CCDC102B: variants seen among roughly 807,000 people sequenced by gnomAD.
CCDC102B encodes the protein coiled-coil domain containing 102B.
In CCDC102B, 75 loss-of-function variants were observed where a neutral mutation model predicts 57.4. The ratio of observed to expected loss-of-function variants is 1.31; its 90% CI spans 1.08 to 1.58. The LOEUF (loss-of-function observed/expected upper bound fraction) is 1.58. Among genes scored for constraint, CCDC102B ranks in the 40% most tolerant of loss-of-function variants. CCDC102B has a pLI of 0.00. For missense variants in CCDC102B, 636 were observed against 582.6 expected (o/e 1.09, Z -0.94); for synonymous variants, 206 against 201.9 (o/e 1.02, Z -0.17).
At chr18:68,787,869 A>G (rs1454164810) in intron 2 of CCDC102B, among the ~76,000 whole-genome samples, 2 of 151,710 alleles carry the variant, frequency 1.3e-5, no homozygotes, top group Non-Finnish European at 2.9e-5. Context: ...GCCTTCTGCT[A>G]GCTTTTGAAT....
At chr18:68,982,808 G>A (rs1191711267) in intron 6 of CCDC102B, among the ~76,000 whole-genome samples, 1 of 151,398 alleles carries the variant, frequency 6.6e-6, no homozygotes, top group Non-Finnish European at 1.5e-5. Context: ...TCATAGTAGT[G>A]GCCAATAAAA....
chr18:69,005,641 C>T lies in CCDC102B; in HGVS notation c.1264-5293C>T, dbSNP rs949774024. Among the ~76,000 whole-genome samples the T allele has an allele frequency of 2.0e-5, 3 of 151,720 alleles. No homozygotes were observed. The South Asian group carries it at 6.2e-4, about 32-fold the overall frequency. ...ACTCAATCTTCAGTAGTTGATGTATCATATTACAATTAATTCTAGATAGAG... is the reference window on the plus strand; with the variant it reads ...ACTCAATCTTCAGTAGTTGATGTATTATATTACAATTAATTCTAGATAGAG... On this transcript the variant is annotated intron_variant, in intron 6 of 7. Transcript: ENST00000360242.
At chr18:69,011,126 C>G (rs746056122) in intron 7 of CCDC102B, 22 bp downstream of exon 7, 1 of 1,596,148 alleles carries the variant, frequency 6.3e-7, no homozygotes. Context: ...TGAGTGAACA[C>G]GTGCTGGACA....
intron 6 of CCDC102B, among the ~76,000 whole-genome samples, chr18:68,905,957 C>G (rs1442594571): frequency 6.6e-6 from 1 of 151,944 alleles, no homozygotes; most frequent in Non-Finnish European, 1.5e-5. Context: ...CCACGCCCGG[C>G]TAATTTTTTG....
chr18:68,765,372 A>AGAAAGAAAGAAG (rs2034426711), intron 2 of CCDC102B, among the ~76,000 whole-genome samples: 1 of 147,866 alleles, frequency 6.8e-6, no homozygotes, highest in Non-Finnish European at 1.5e-5. Flanking sequence ...AAAGAAAGAA[A>AGAAAGAAAGAAG]GAAAGAAAAG....
At chr18:68,880,740 G>A (rs1252534043) in intron 5 of CCDC102B, among the ~76,000 whole-genome samples, 1 of 152,146 alleles carries the variant, frequency 6.6e-6, no homozygotes, top group East Asian at 1.9e-4. Context: ...TTTAAGCAGT[G>A]GAAAATGTTG....
chr18:68,748,205 G>GGTATGTATGTGT (rs530957083), intron 2 of CCDC102B, among the ~76,000 whole-genome samples: 1 of 137,504 alleles, frequency 7.3e-6, no homozygotes, highest in Admixed American at 7.4e-5. Flanking sequence ...TTATTAAACT[G>GGTATGTATGTGT]GTGTGTGTGT....
chr18:68,863,305 A>G (rs536651371), intron 4 of CCDC102B, among the ~76,000 whole-genome samples: 1 of 151,762 alleles, frequency 6.6e-6, no homozygotes, highest in Non-Finnish European at 1.5e-5. Flanking sequence ...ATTGTTTGCT[A>G]TTTTACTCTA....
At position 68,933,075 on chromosome 18, in the gene CCDC102B, G is replaced by C. The variant is rs1399674134; in HGVS notation, c.1263+35647G>C. 1.2e-4 allele frequency among the ~76,000 whole-genome samples: 17 copies of C among 147,192 alleles called. No homozygotes were observed. The Admixed American group carries it at 1.2e-3, about 10-fold the overall frequency. ...TTCCTCTGCTCTAAACACTTAAATA[G>C]TGTTATTTTATTTACTCCTCATAAA... is the stretch of plus-strand genomic sequence containing the variant. On this transcript the variant is annotated intron_variant, in intron 6 of 7. Coordinates refer to ENST00000360242, the MANE Select transcript of CCDC102B (RefSeq NM_024781.3).
chr18:68,873,418 T>G (rs1471842651), intron 4 of CCDC102B, among the ~76,000 whole-genome samples: 1 of 152,136 alleles, frequency 6.6e-6, no homozygotes, highest in Non-Finnish European at 1.5e-5. Flanking sequence ...TTTAGACAAT[T>G]ATTTCAATGG....
At chr18:68,997,442 C>G (rs1429213951) in intron 6 of CCDC102B, among the ~76,000 whole-genome samples, 1 of 151,910 alleles carries the variant, frequency 6.6e-6, no homozygotes, top group African/African-American at 2.4e-5. Context: ...ATGTGCTTAC[C>G]GATAAGTGTT....
chr18:68,741,198 G>A (rs1294279826), intron 2 of CCDC102B, among the ~76,000 whole-genome samples: 4 of 152,194 alleles, frequency 2.6e-5, no homozygotes, highest in Admixed American at 2.6e-4. Context: ...ACTTGCAGAT[G>A]TTTTGCAGTT....
At chr18:68,842,349 A>G (rs2037671164) in intron 3 of CCDC102B, among the ~76,000 whole-genome samples, 1 of 152,148 alleles carries the variant, frequency 6.6e-6, no homozygotes, top group South Asian at 2.1e-4. Context: ...TACTTTATTA[A>G]CTGTCACTCA....
Position 68,767,619 on chromosome 18 carries a change from G to A in CCDC102B, c.-67+51025G>A, listed in dbSNP as rs548442500. 8.6e-4 allele frequency among the ~76,000 whole-genome samples: 131 copies of A among 152,250 alleles called. 1 individual carries two copies. In the South Asian group the frequency reaches 0.027, roughly 31 times the overall value. On this transcript the variant is annotated intron_variant, in intron 2 of 3. Coordinates refer to the CCDC102B transcript ENST00000578970. ...CATGATACTAGAACCTCATGCAAAC[G>A]ATCTTTACTATGATTTTTAGAAGCA...
At position 69,032,675 on chromosome 18, in the gene CCDC102B, A is replaced by G. The variant is rs544136821; in HGVS notation, c.1435-21355A>G. Among the ~76,000 whole-genome samples, 8 of 152,274 alleles carry G rather than the reference A, an allele frequency of 5.3e-5. No individual in the cohort carries two copies. In the South Asian group the frequency reaches 1.7e-3, roughly 32 times the overall value. On this transcript the variant is annotated intron_variant, in intron 7 of 7. Coordinates refer to ENST00000360242, the MANE Select transcript of CCDC102B (RefSeq NM_024781.3). ...GCGGCACACCATAAACACTTGAAAT[A>G]CTTCTACTGCAAGTGATCTCTGGGA... is the stretch of plus-strand genomic sequence containing the variant.
At chr18:69,023,344 ATC>A (rs2051899929) in intron 7 of CCDC102B, among the ~76,000 whole-genome samples, 1 of 152,164 alleles carries the variant, frequency 6.6e-6, no homozygotes, top group East Asian at 1.9e-4. Context: ...AAAAAACAGT[ATC>A]TCTTAAAATA....
intron 2 of CCDC102B, among the ~76,000 whole-genome samples, chr18:68,763,623 T>C (rs538437011): frequency 4.6e-5 from 7 of 152,144 alleles, no homozygotes; most frequent in African/African-American, 9.6e-5. Context: ...ATGATAAAAA[T>C]ATAAACAATA....
chr18:68,951,699 T>G (rs897212428), intron 6 of CCDC102B, among the ~76,000 whole-genome samples: 1 of 151,882 alleles, frequency 6.6e-6, no homozygotes, highest in Non-Finnish European at 1.5e-5. Context: ...TCTCAGCTGC[T>G]CGGGAGGCTG....
At chr18:68,740,403 A>G (rs917018687) in intron 2 of CCDC102B, among the ~76,000 whole-genome samples, 3 of 152,206 alleles carry the variant, frequency 2.0e-5, no homozygotes, top group Non-Finnish European at 4.4e-5. Context: ...AATAAAAATG[A>G]TTATAAAACT....
Sources: gnomAD v4.1 joint callset for allele counts (sites outside exome capture counted in the v4.1 genomes callset) on GRCh38, gnomAD v4.1.1 for gene constraint, MANE v1.5 for transcripts, NCBI Gene and HGNC (gene_info 2026-07-23, HGNC 2026-07-21) for gene names.